The following TMTC2 variants were observed in gnomAD, a reference collection of about 807,000 sequenced individuals.
TMTC2 encodes the protein transmembrane O-mannosyltransferase targeting cadherins 2.
TMTC2 carries 43 observed loss-of-function variants against 82.4 expected under a neutral mutation model. The observed-to-expected ratio is 0.52, with a 90% CI of 0.41 to 0.67. The LOEUF (loss-of-function observed/expected upper bound fraction) is 0.67. Among genes scored for constraint, TMTC2 ranks in the 30% least tolerant of loss-of-function variants. The pLI is 0.00. For synonymous variants in TMTC2, 408 were observed against 381.9 expected (o/e 1.07, Z -0.80); for missense variants, 919 against 1,012.4 (o/e 0.91, Z 1.25).
At chr12:82,688,807 G>A (rs1872453411) in intron 1 of TMTC2, among the ~76,000 whole-genome samples, 1 of 152,162 alleles carries the variant, frequency 6.6e-6, no homozygotes, top group Non-Finnish European at 1.5e-5. Context: ...GAGCACTTAC[G>A]CAAAGTGGTT....
At chr12:82,903,033 C>T (rs1874103592) in intron 3 of TMTC2, among the ~76,000 whole-genome samples, 1 of 152,196 alleles carries the variant, frequency 6.6e-6, no homozygotes, top group African/African-American at 2.4e-5. Flanking sequence ...CTGCTGGCCT[C>T]TTTGATGTGC....
At chr12:82,933,556 G>C (rs569825037) in intron 4 of TMTC2, among the ~76,000 whole-genome samples, 4 of 152,146 alleles carry the variant, frequency 2.6e-5, no homozygotes, top group Non-Finnish European at 4.4e-5. Context: ...GACACATAAC[G>C]TGATAATACC....
chr12:83,122,438 C>CT (rs1884982250), intron 11 of TMTC2, among the ~76,000 whole-genome samples: 1 of 152,040 alleles, frequency 6.6e-6, no homozygotes, highest in African/African-American at 2.4e-5. Flanking sequence ...TGAAGGACCC[C>CT]TGTGAGGCCA....
chr12:82,926,854 AG>A (rs1272271397), intron 3 of TMTC2, among the ~76,000 whole-genome samples: 1 of 152,254 alleles, frequency 6.6e-6, no homozygotes, highest in Non-Finnish European at 1.5e-5. Flanking sequence ...ATCTGTTTAC[AG>A]CATGGCTTAC....
intron 1 of TMTC2, among the ~76,000 whole-genome samples, chr12:82,749,349 C>T (rs1875857729): frequency 1.3e-5 from 2 of 151,988 alleles, no homozygotes; most frequent in African/African-American, 4.8e-5. Flanking sequence ...TGTATTTACA[C>T]TATGAGAAAA....
intron 1 of TMTC2, among the ~76,000 whole-genome samples, chr12:82,818,296 T>A (rs890800739): frequency 2.6e-5 from 4 of 152,266 alleles, no homozygotes; most frequent in South Asian, 4.1e-4. Context: ...TTGTCCTTGC[T>A]AATATTGTGT....
chr12:83,041,849 T>C (rs1881907693), intron 9 of TMTC2, among the ~76,000 whole-genome samples: 1 of 152,216 alleles, frequency 6.6e-6, no homozygotes, highest in Admixed American at 6.5e-5. Context: ...TCTCTGTAGC[T>C]ACAAATCTCA....
At chr12:82,815,574 A>G (rs1284978563) in intron 1 of TMTC2, among the ~76,000 whole-genome samples, 2 of 152,000 alleles carry the variant, frequency 1.3e-5, no homozygotes, top group Non-Finnish European at 2.9e-5. Context: ...GGCCTCCCAA[A>G]GTGCTGGGAT....
rs374532592 is a variant in TMTC2 at position 82,696,964 on chromosome 12, G to GTGTATATATATATA, written c.83+9296_83+9297insGTATATATATATAT. ...GCTCTCTTTCTACATACATACATAC[G>GTGTATATATATATA]TATATATATATATATATATGTTTCT... On this transcript the variant is annotated intron_variant, in intron 1 of 11. Transcript: ENST00000321196. 1.4e-3 allele frequency among the ~76,000 whole-genome samples: 197 copies of GTGTATATATATATA among 141,540 alleles called. 4 individuals are homozygous for GTGTATATATATATA. In the East Asian group the frequency reaches 0.019, roughly 14 times the overall value. 92.9% of individuals were successfully genotyped at this position (141,540 alleles called of 152,430 possible).
intron 1 of TMTC2, among the ~76,000 whole-genome samples, chr12:82,709,888 A>G (rs1003438176): frequency 1.2e-4 from 18 of 152,232 alleles, no homozygotes; most frequent in Non-Finnish European, 2.9e-5. Flanking sequence ...TCAATTTACA[A>G]ATAACACAGA....
intron 2 of TMTC2, among the ~76,000 whole-genome samples, chr12:82,884,283 T>C (rs1482042198): frequency 3.9e-5 from 6 of 152,198 alleles, no homozygotes. Flanking sequence ...GAGGCATCCT[T>C]TCTTGATACT....
chr12:82,965,285 T>C (rs1012596847), intron 5 of TMTC2, among the ~76,000 whole-genome samples, 176 bp downstream of exon 5: 1 of 151,710 alleles, frequency 6.6e-6, no homozygotes, highest in Non-Finnish European at 1.5e-5. Flanking sequence ...TGTCCATTGA[T>C]CATTAAAAAA....
At chr12:82,723,834 C>T (rs1282822130) in intron 1 of TMTC2, among the ~76,000 whole-genome samples, 1 of 152,208 alleles carries the variant, frequency 6.6e-6, no homozygotes, top group Non-Finnish European at 1.5e-5. Context: ...ACCTAGCCTA[C>T]TCTGTGTACT....
At chr12:82,735,338 CATTA>C (rs1875029125) in intron 1 of TMTC2, among the ~76,000 whole-genome samples, 1 of 119,148 alleles carries the variant, frequency 8.4e-6, no homozygotes, top group South Asian at 3.2e-4. Context: ...CAGTTTTATA[CATTA>C]ATTTTGATTT....
chr12:82,885,611 T>TC (rs1873059172), intron 2 of TMTC2, among the ~76,000 whole-genome samples: 1 of 152,018 alleles, frequency 6.6e-6, no homozygotes, highest in South Asian at 2.1e-4. Context: ...CTTGAGTGAT[T>TC]CCCCCCACCT....
Position 82,687,519 on chromosome 12 carries a change from G to A in TMTC2, c.-68G>A. On this transcript the variant is annotated 5_prime_UTR_variant, in exon 1 of 12. An upstream start codon of the reference 5' UTR is lost. Transcript: ENST00000321196. ...AAGGCGGCGGAAGGTGGAGATTGAT[G>A]CTTCTGTTTTTTGTTGCCGCTGCTG... is the stretch of plus-strand genomic sequence containing the variant. The A allele has an allele frequency of 1.4e-5, 20 of 1,459,518 alleles. No individual in the cohort carries two copies. The highest frequency in any genetic ancestry group is 1.7e-5 in the Non-Finnish European group (18 of 1,060,378). The allele number at this position is 1,459,518 out of a possible 1,614,324, so 90.4% of individuals were successfully genotyped here. A position where few individuals can be genotyped will look rare whatever the true frequency, so the allele number is the denominator to read the frequency against.
At chr12:82,719,798 CATTCTCGTAG>C (rs1457280987) in intron 1 of TMTC2, among the ~76,000 whole-genome samples, 3 of 151,352 alleles carry the variant, frequency 2.0e-5, no homozygotes, top group Non-Finnish European at 4.4e-5. Flanking sequence ...GCAAGTTATG[CATTCTCGTAG>C]ATTCTTACTT....
chr12:83,080,571 GCAGTTTGCCACAGCTAGTGGCAGAAA>G (rs1223032281), intron 11 of TMTC2, among the ~76,000 whole-genome samples: 1 of 152,138 alleles, frequency 6.6e-6, no homozygotes, highest in Admixed American at 6.5e-5. Flanking sequence ...AACAGGTAAT[GCAGTTTGCCACAGCTAGTGGCAGAAA>G]CAGAATGCAA....
chr12:83,000,061 A>G (rs146156283), intron 8 of TMTC2, among the ~76,000 whole-genome samples: 4,062 of 152,302 alleles, frequency 0.027, 82 homozygotes, highest in Non-Finnish European at 0.039. Context: ...AGGTAAATAC[A>G]GCCATTCCAA....
Sources: allele counts gnomAD v4.1 joint callset (sites outside exome capture counted in the v4.1 genomes callset), GRCh38; gene constraint gnomAD v4.1.1; transcripts MANE v1.5; gene names NCBI Gene and HGNC (gene_info 2026-07-23, HGNC 2026-07-21).